EIF4G2: variants seen among roughly 807,000 people sequenced by gnomAD.
EIF4G2 encodes DAP-5.
In EIF4G2, 8 loss-of-function variants were observed where a neutral mutation model predicts 117.7. That is an observed-to-expected ratio of 0.07 (90% CI 0.04 to 0.12). The LOEUF (loss-of-function observed/expected upper bound fraction) is 0.12, where lower values mean the gene tolerates loss of function less well. Ranked by LOEUF, EIF4G2 falls within the 10% of genes least tolerant of loss-of-function variation. The pLI is 1.00. For synonymous variants in EIF4G2, 413 were observed against 367.8 expected, an observed-to-expected ratio of 1.12 and a Z score of -1.41; for missense variants, 812 against 1,086.2, an observed-to-expected ratio of 0.75 and a Z score of 3.55.
intron 2 of EIF4G2, 59 bp from the exon 3 acceptor site, chr11:10,806,944 A>AC (rs1564985680): frequency 7.0e-7 from 1 of 1,435,094 alleles, no homozygotes. Flanking sequence ...CAAAAAGAAT[A>AC]AGCATCTATT....
At chr11:10,798,456 G>C (rs966283965) in intron 21 of EIF4G2, among the ~76,000 whole-genome samples, 1 of 152,092 alleles carries the variant, frequency 6.6e-6, no homozygotes, top group Non-Finnish European at 1.5e-5. Context: ...GCAGTGGTGT[G>C]ATCTCAGCTC....
intron 2 of EIF4G2, 126 bp from the exon 3 acceptor site, chr11:10,807,011 C>G (rs1847595076): frequency 1.6e-6 from 2 of 1,229,706 alleles, no homozygotes; most frequent in Admixed American, 4.0e-5. Flanking sequence ...CAGACTGGAG[C>G]CAGGCCTGTA....
At position 10,800,442 on chromosome 11, in the gene EIF4G2, T is replaced by C; in HGVS notation, c.1850A>G (p.Asn617Ser). 6.2e-7 allele frequency: 1 copy of C among 1,614,194 alleles called. No individual in the cohort carries two copies. The highest frequency in any genetic ancestry group is 1.7e-5 in the Admixed American group (1 of 60,026). Reference sequence around the variant, plus strand: ...AGTAAAGTGTCCTACCTGCATGAAGTTGTCACTTGTGGCTATCCCTTCCTG... The same window carrying C: ...AGTAAAGTGTCCTACCTGCATGAAGCTGTCACTTGTGGCTATCCCTTCCTG... Residue 617 changes from asparagine to serine, a missense_variant, in exon 17 of 22, where the codon AAC becomes AGC. Physicochemically the swap from Asn to Ser is conservative, Grantham distance 46 (BLOSUM62 1). Transcript: ENST00000339995.
Position 10,799,264 on chromosome 11 carries a change from T to C in EIF4G2, c.2485A>G (p.Ser829Gly). Reference sequence around the variant, plus strand: ...TGCACCTGGAGAGCATACAGGGCACTGACTTGTAGATCAACGTGATCATGA... The same window carrying C: ...TGCACCTGGAGAGCATACAGGGCACCGACTTGTAGATCAACGTGATCATGA... Residue 829 changes from serine (S) to glycine (G), a missense_variant, in exon 20 of 22, where the codon AGT (serine) becomes GGT (glycine). Transcript: ENST00000339995. The C allele has an allele frequency of 6.2e-6, 10 of 1,614,212 alleles. No individual in the cohort carries two copies. The highest frequency in any genetic ancestry group is 8.5e-6 in the Non-Finnish European group (10 of 1,180,040).
chr11:10,808,585 A>G, intron 1 of EIF4G2, 120 bp downstream of exon 1: 2 of 908,622 alleles, frequency 2.2e-6, no homozygotes, highest in Non-Finnish European at 2.8e-6. Context: ...AAATGCTAAA[A>G]AAGGGTCGCC....
chr11:10,803,164 A>G lies in EIF4G2; in HGVS notation c.898-36T>C, dbSNP rs1283176605. On this transcript the variant is annotated intron_variant, in intron 10 of 21. Coordinates refer to ENST00000339995, the MANE Select transcript of EIF4G2 (RefSeq NM_001418.4). This position sits in a 1 kb window ranked among gnomAD's most constrained non-coding sequence, Gnocchi z 4.0. ...AAAATAATTTTATTTTAATATTCCT[A>G]AACCAAAAACTCAGCTTACCAACAA... The G allele has an allele frequency of 1.2e-6, 2 of 1,606,266 alleles. No individual in the cohort carries two copies. Among genetic ancestry groups the G allele is most frequent in the Admixed American group, 3.4e-5 (2 of 58,618 alleles).
intron 5 of EIF4G2, 71 bp from the exon 6 acceptor site, chr11:10,804,489 A>T: frequency 6.6e-7 from 1 of 1,506,070 alleles, no homozygotes; most frequent in Non-Finnish European, 8.9e-7. Context: ...GGAAAAATAC[A>T]ACCACCTAAA....
intron 1 of EIF4G2, chr11:10,807,782 A>C: frequency 1.0e-6 from 1 of 991,134 alleles, no homozygotes; most frequent in African/African-American, 1.7e-5. Flanking sequence ...TCTCTCCGAA[A>C]GCTCTTCAGC....
In EIF4G2 at chr11:10,797,817, T is replaced by TAGTCAGCTTCTTC. The variant is rs1454553973; in HGVS notation, c.2710_2722dup (p.Ter908=). On this transcript the variant is annotated frameshift_variant and stop_retained_variant, in exon 22 of 22. Coordinates refer to ENST00000339995, the MANE Select transcript of EIF4G2 (RefSeq NM_001418.4). LOFTEE classifies it high-confidence loss of function. The surrounding 1 kb of genome is among the most constrained non-coding windows in gnomAD (Gnocchi z 4.5). ...CAATTTAAGGCTTTGGCTGGTTCTT[T>TAGTCAGCTTCTTC]AGTCAGCTTCTTCCTCTGATTCTTC... The TAGTCAGCTTCTTC allele has an allele frequency of 6.2e-7, 1 of 1,614,022 alleles. No individual in the cohort carries two copies. Among genetic ancestry groups the TAGTCAGCTTCTTC allele is most frequent in the East Asian group, 2.2e-5 (1 of 44,854 alleles).
Position 10,803,780 on chromosome 11 carries a change from G to A in EIF4G2, c.702+119C>T. The stretch of plus-strand genomic sequence containing the variant: ...CACACCACGTATTTCAAATTATTCT[G>A]TTTAGTAAATTTTGTTGCACATCTG... On this transcript the variant is annotated intron_variant, in intron 8 of 21. Coordinates refer to ENST00000339995, the MANE Select transcript of EIF4G2 (RefSeq NM_001418.4). The surrounding 1 kb of genome is among the most constrained non-coding windows in gnomAD (Gnocchi z 4.0). 7.6e-7 allele frequency: 1 copy of A among 1,320,040 alleles called. No homozygotes were observed. Among genetic ancestry groups the A allele is most frequent in the Non-Finnish European group, 1.0e-6 (1 of 956,922 alleles). 81.8% of individuals were successfully genotyped at this position (1,320,040 alleles called of 1,614,324 possible). A position where few individuals can be genotyped will look rare whatever the true frequency, so the allele number is the denominator to read the frequency against.
At chr11:10,800,007 A>ACCTACATAAATCCACT in intron 18 of EIF4G2, 83 bp downstream of exon 18, 2 of 1,461,394 alleles carry the variant, frequency 1.4e-6, no homozygotes. Context: ...AGACTGTCTG[A>ACCTACATAAATCCACT]CCTACATAAA....
In EIF4G2 at chr11:10,797,556, G is replaced by C; in HGVS notation, c.*260C>G. ...CTTGCAATAGACTGCCTCTGCTTGAGAACTTATGATGTAATTATTGCATGC... is the reference window on the plus strand; with the variant it reads ...CTTGCAATAGACTGCCTCTGCTTGACAACTTATGATGTAATTATTGCATGC... On this transcript the variant is annotated 3_prime_UTR_variant, in exon 22 of 22. Transcript: ENST00000339995. This position sits in a 1 kb window ranked among gnomAD's most constrained non-coding sequence, Gnocchi z 4.5. 1 of 422,130 alleles carries C rather than the reference G, an allele frequency of 2.4e-6. No individual in the cohort carries two copies. Among genetic ancestry groups the C allele is most frequent in the South Asian group, 3.4e-5 (1 of 29,792 alleles). The allele number at this position is 422,130 out of a possible 1,614,324, so 26.1% of individuals were successfully genotyped here.
Position 10,803,353 on chromosome 11 carries a change from C to CT in EIF4G2, c.814-60dup, listed in dbSNP as rs1847479862. On this transcript the variant is annotated intron_variant, in intron 9 of 21. Coordinates refer to ENST00000339995, the MANE Select transcript of EIF4G2 (RefSeq NM_001418.4). The surrounding 1 kb of genome is among the most constrained non-coding windows in gnomAD (Gnocchi z 4.0). The stretch of plus-strand genomic sequence containing the variant: ...TAAAGCAAATGTGTTCAATTTACAG[C>CT]TTTAAGACTTCTAAAATTATAACCC... 1.9e-6 allele frequency: 3 copies of CT among 1,587,584 alleles called. No homozygotes were observed. Among genetic ancestry groups the CT allele is most frequent in the Non-Finnish European group, 2.6e-6 (3 of 1,160,920 alleles).
At chr11:10,805,288 T>C (rs956599801) in intron 4 of EIF4G2, among the ~76,000 whole-genome samples, 4 of 152,312 alleles carry the variant, frequency 2.6e-5, no homozygotes, top group South Asian at 2.1e-4. Context: ...TTATCAAGGC[T>C]AGACCATGAA....
Position 10,804,273 on chromosome 11 carries a change from A to C in EIF4G2, c.483+14T>G. On this transcript the variant is annotated intron_variant, in intron 6 of 21. Transcript: ENST00000339995. ...AGTCAACTTTAAAACAAGCAAACAA[A>C]AACTACCACTTACGGTGCTTTGCTT... 1 of 1,613,148 alleles carries C rather than the reference A, an allele frequency of 6.2e-7. No homozygotes were observed. The highest frequency in any genetic ancestry group is 8.5e-7 in the Non-Finnish European group (1 of 1,179,352).
In EIF4G2 at chr11:10,797,101, G is replaced by A. The variant is rs559089883; in HGVS notation, c.*715C>T. ...ATAGATACAAGTATATAAAATCAGG[G>A]CATGAACATGACTTGATAAATTAAG... On this transcript the variant is annotated 3_prime_UTR_variant, in exon 22 of 22. Transcript: ENST00000339995. This position sits in a 1 kb window ranked among gnomAD's most constrained non-coding sequence, Gnocchi z 4.5. 6.6e-6 allele frequency: 1 copy of A among 152,556 alleles called. No individual in the cohort carries two copies. Among genetic ancestry groups the A allele is most frequent in the Admixed American group, 6.5e-5 (1 of 15,270 alleles). 9.5% of individuals were successfully genotyped at this position (152,556 alleles called of 1,614,324 possible).
In EIF4G2 at chr11:10,799,431, A is replaced by G. The variant is rs755305152; in HGVS notation, c.2325-7T>C. On this transcript the variant is annotated splice_region_variant and splice_polypyrimidine_tract_variant and intron_variant, in intron 19 of 21. Coordinates refer to ENST00000339995, the MANE Select transcript of EIF4G2 (RefSeq NM_001418.4). ...AGAAATGTACTGTAAGAAGCTGGACAGAAAGAGGTCTTGTTAGAACCCAAC... is the reference window on the plus strand; with the variant it reads ...AGAAATGTACTGTAAGAAGCTGGACGGAAAGAGGTCTTGTTAGAACCCAAC... 1 of 1,520,326 alleles carries G rather than the reference A, an allele frequency of 6.6e-7. No individual in the cohort carries two copies. Among genetic ancestry groups the G allele is most frequent in the African/African-American group, 1.3e-5 (1 of 74,100 alleles). 94.2% of individuals were successfully genotyped at this position (1,520,326 alleles called of 1,614,324 possible).
intron 2 of EIF4G2, 24 bp downstream of exon 2, chr11:10,807,231 T>TCC (rs761799218): frequency 1.3e-5 from 21 of 1,598,606 alleles, no homozygotes; most frequent in Non-Finnish European, 1.7e-5. Flanking sequence ...TCAAAAGGAT[T>TCC]CCCCAAAATA....
rs369234595 is a variant in EIF4G2, at chr11:10,802,278, G to A, written c.1138+16C>T. 32 of 1,611,166 alleles carry A rather than the reference G, an allele frequency of 2.0e-5. No homozygotes were observed. Among genetic ancestry groups the A allele is most frequent in the Non-Finnish European group, 2.5e-5 (30 of 1,178,594 alleles). On this transcript the variant is annotated intron_variant, in intron 12 of 21. Transcript: ENST00000339995. ...GATTTTTCAGCTTAACGCAACCATT[G>A]TTTTTTCAAAATTACCTGGCATTTG...
Sources: allele counts gnomAD v4.1 joint callset (sites outside exome capture counted in the v4.1 genomes callset), GRCh38; gene constraint gnomAD v4.1.1; non-coding constraint Gnocchi (gnomAD v3.1); transcripts MANE v1.5; gene names NCBI Gene and HGNC (gene_info 2026-07-23, HGNC 2026-07-21).